The following CLIC4 variants were observed in gnomAD, a reference collection of about 807,000 sequenced individuals.
The protein encoded by CLIC4 is CLIC family member 4.
Under a neutral mutation model 24.6 loss-of-function variants are expected in CLIC4, and 13 were observed. That is an observed-to-expected ratio of 0.53 (90% CI 0.34 to 0.84). CLIC4 has a LOEUF of 0.84. Ranked by LOEUF, CLIC4 falls within the 40% of genes least tolerant of loss-of-function variation. The pLI, the probability that CLIC4 is intolerant of heterozygous loss-of-function variation, is 0.01. For missense variants in CLIC4, 227 were observed against 301.7 expected, an observed-to-expected ratio of 0.75 and a Z score of 1.83; for synonymous variants, 104 against 111.3, an observed-to-expected ratio of 0.93 and a Z score of 0.41.
intron 2 of CLIC4, among the ~76,000 whole-genome samples, chr1:24,811,471 T>TTTG (rs879277492): frequency 2.5e-4 from 37 of 149,470 alleles, no homozygotes; most frequent in African/African-American, 7.4e-4. Context: ...TTTGTTTTGG[T>TTTG]TTGTTGTTGT....
intron 1 of CLIC4, among the ~76,000 whole-genome samples, chr1:24,760,319 T>C (rs1279902990): frequency 6.6e-6 from 1 of 151,832 alleles, no homozygotes; most frequent in African/African-American, 2.4e-5. Context: ...TGAGCCTAGA[T>C]TGCACCACTG....
intron 1 of CLIC4, among the ~76,000 whole-genome samples, chr1:24,770,565 A>AC (rs1639058948): frequency 1.3e-5 from 2 of 152,200 alleles, no homozygotes; most frequent in Non-Finnish European, 2.9e-5. Context: ...TAAAAAAAGA[A>AC]TAAAAAAATT....
chr1:24,799,666 C>G (rs1244482853), intron 2 of CLIC4, among the ~76,000 whole-genome samples: 1 of 136,544 alleles, frequency 7.3e-6, no homozygotes, highest in East Asian at 2.2e-4. Context: ...TCAGCCCCCC[C>G]GCCCGGCCAG....
In CLIC4 at chr1:24,775,570, CTCTTT is replaced by C. The variant is rs201649492; in HGVS notation, c.73-22159_73-22155del. On this transcript the variant is annotated intron_variant, in intron 1 of 5. Coordinates refer to ENST00000374379, the MANE Select transcript of CLIC4 (RefSeq NM_013943.3). Reference sequence around the variant, plus strand: ...CTTTTCTCTTTCTTTCTCTTTCCCTCTCTTTTCTTTTCTTTTCCTTCTTTATTCTA... The same window carrying C: ...CTTTTCTCTTTCTTTCTCTTTCCCTCTCTTTTCTTTTCCTTCTTTATTCTA... Among the ~76,000 whole-genome samples the C allele has an allele frequency of 2.8e-3, 415 of 150,608 alleles. 3 individuals carry two copies. Among genetic ancestry groups the C allele is most frequent in the Admixed American group, 7.9e-3 (119 of 15,096 alleles).
intron 3 of CLIC4, among the ~76,000 whole-genome samples, chr1:24,817,446 C>G (rs1386237709): frequency 6.6e-6 from 1 of 152,194 alleles, no homozygotes; most frequent in Non-Finnish European, 1.5e-5. Flanking sequence ...AAACTTTCTT[C>G]TGTAGATTTG....
chr1:24,783,862 G>A (rs992799958), intron 1 of CLIC4, among the ~76,000 whole-genome samples: 4 of 152,160 alleles, frequency 2.6e-5, no homozygotes, highest in Non-Finnish European at 4.4e-5. Context: ...ACATGATAGC[G>A]TGAAGGGAAT....
intron 2 of CLIC4, among the ~76,000 whole-genome samples, chr1:24,808,697 G>A (rs1409227044): frequency 1.5e-5 from 2 of 134,976 alleles, no homozygotes; most frequent in East Asian, 2.1e-4. Flanking sequence ...TTTTTTTTGA[G>A]ATGGAGTCTC....
intron 1 of CLIC4, among the ~76,000 whole-genome samples, chr1:24,789,910 G>C (rs1341644778): frequency 1.3e-5 from 2 of 151,930 alleles, no homozygotes; most frequent in African/African-American, 2.4e-5. Flanking sequence ...AAGAGACTCT[G>C]GATCTTGTTT....
At chr1:24,808,637 A>AT (rs1639580661) in intron 2 of CLIC4, among the ~76,000 whole-genome samples, 1 of 145,950 alleles carries the variant, frequency 6.9e-6, no homozygotes, top group African/African-American at 2.5e-5. Context: ...TAATTTTTGT[A>AT]TTTTTTGTAG....
intron 4 of CLIC4, among the ~76,000 whole-genome samples, chr1:24,837,193 A>G (rs995417890): frequency 2.6e-5 from 4 of 152,186 alleles, no homozygotes; most frequent in Non-Finnish European, 5.9e-5. Flanking sequence ...AAAAATCAAG[A>G]AAAGTGAGAG....
chr1:24,826,682 A>G (rs1639789848), intron 3 of CLIC4, among the ~76,000 whole-genome samples: 1 of 152,256 alleles, frequency 6.6e-6, no homozygotes, highest in Admixed American at 6.5e-5. Context: ...GCACTGCTCT[A>G]GCAATCTCAT....
chr1:24,805,165 A>AT (rs202130277), intron 2 of CLIC4, among the ~76,000 whole-genome samples: 298 of 150,792 alleles, frequency 2.0e-3, no homozygotes, highest in Non-Finnish European at 3.1e-3. Context: ...CATGGGTACT[A>AT]TTTTTTTTGA....
chr1:24,790,636 G>C (rs1639323459), intron 1 of CLIC4, among the ~76,000 whole-genome samples: 1 of 152,058 alleles, frequency 6.6e-6, no homozygotes, highest in South Asian at 2.1e-4. Context: ...TACACTAGTG[G>C]AGGTGGCCTC....
intron 2 of CLIC4, among the ~76,000 whole-genome samples, chr1:24,802,203 G>C (rs143976023): frequency 3.9e-5 from 6 of 152,292 alleles, no homozygotes; most frequent in African/African-American, 1.2e-4. Flanking sequence ...ATAAACATGG[G>C]AATCTGGGTC....
At position 24,797,746 on chromosome 1, in the gene CLIC4, G is replaced by A. The variant is rs779758460; in HGVS notation, c.77G>A (p.Gly26Asp). 1.9e-6 allele frequency: 3 copies of A among 1,606,816 alleles called. No individual in the cohort carries two copies. Among genetic ancestry groups the A allele is most frequent in the Non-Finnish European group, 2.5e-6 (3 of 1,176,792 alleles). ...EPLIELFVKA[G>D]SDGESIGNCP... is the part of the protein sequence containing the mutation. ...ATGTTTAATTCTGTTTTCCAGGCTGGCAGTGATGGTGAAAGCATAGGAAAC... is the reference window on the plus strand; with the variant it reads ...ATGTTTAATTCTGTTTTCCAGGCTGACAGTGATGGTGAAAGCATAGGAAAC... Residue 26 changes from glycine (G) to aspartate (D), a missense_variant, in exon 2 of 6, where the codon GGC (glycine) becomes GAC (aspartate). Physicochemically the swap from Gly to Asp is moderately conservative, Grantham distance 94 (BLOSUM62 -1). Coordinates refer to ENST00000374379, the MANE Select transcript of CLIC4 (RefSeq NM_013943.3).
chr1:24,754,031 C>T (rs7525139), intron 1 of CLIC4, among the ~76,000 whole-genome samples: 37,286 of 151,952 alleles, frequency 0.25, 5,126 homozygotes, highest in Admixed American at 0.34. Context: ...TTGAGGTTTC[C>T]GGGGGGAAAA....
At chr1:24,753,227 CT>C (rs1172668532) in intron 1 of CLIC4, among the ~76,000 whole-genome samples, 1 of 151,996 alleles carries the variant, frequency 6.6e-6, no homozygotes, top group African/African-American at 2.4e-5. Flanking sequence ...AAAAGAAGGG[CT>C]TGGGCTAGAT....
intron 1 of CLIC4, among the ~76,000 whole-genome samples, chr1:24,746,239 G>A (rs1189738515): frequency 2.0e-5 from 3 of 152,296 alleles, no homozygotes; most frequent in Non-Finnish European, 4.4e-5. Context: ...TCTGTCTTGG[G>A]CATTTACTGG....
chr1:24,794,354 T>TTG (rs201556261), intron 1 of CLIC4, among the ~76,000 whole-genome samples: 76 of 138,796 alleles, frequency 5.5e-4, no homozygotes, highest in Middle Eastern at 3.7e-3. Context: ...AGCATCTGTT[T>TTG]TTTTTTTTTT....
Sources: gnomAD v4.1 joint callset for allele counts (sites outside exome capture counted in the v4.1 genomes callset) on GRCh38, gnomAD v4.1.1 for gene constraint, MANE v1.5 for transcripts, NCBI Gene and HGNC (gene_info 2026-07-23, HGNC 2026-07-21) for gene names.